Variants in ZSWIM5 observed in about 807,000 individuals in gnomAD.
The protein encoded by ZSWIM5 is zinc finger SWIM-type containing 5, also known as zinc finger SWIM domain-containing protein 5.
A neutral mutation model predicts 119.6 loss-of-function variants in ZSWIM5; 55 were observed. The ratio of observed to expected loss-of-function variants is 0.46; its 90% CI spans 0.37 to 0.58. The LOEUF is 0.58. ZSWIM5 is among the 20% of genes least tolerant of loss of function. ZSWIM5 has a pLI of 0.00. For synonymous variants in ZSWIM5, 537 were observed against 606.9 expected (o/e 0.88, Z 1.69); for missense variants, 1,193 against 1,512.8 (o/e 0.79, Z 3.51).
At chr1:45,182,810 C>G (rs971079949) in intron 1 of ZSWIM5, among the ~76,000 whole-genome samples, 1 of 152,164 alleles carries the variant, frequency 6.6e-6, no homozygotes, top group East Asian at 1.9e-4. Flanking sequence ...GAGACTTTAA[C>G]ACCCCACTGT....
rs1188514748 is a variant in ZSWIM5, at chr1:45,021,017, C to T, written c.2450-229G>A. Among the ~76,000 whole-genome samples the T allele has an allele frequency of 4.0e-5, 6 of 151,864 alleles. No individual in the cohort carries two copies. The East Asian group carries it at 9.7e-4, about 25-fold the overall frequency. ...TCTCCACCTTTTCATCTGTCTCTAC[C>T]TAATACCCTCTACCCTCAGGATCCT... On this transcript the variant is annotated intron_variant, in intron 11 of 13. Transcript: ENST00000359600.
chr1:45,154,515 G>A (rs1294391927), intron 1 of ZSWIM5, among the ~76,000 whole-genome samples: 1 of 152,142 alleles, frequency 6.6e-6, no homozygotes, highest in Non-Finnish European at 1.5e-5. Flanking sequence ...CTCAACAAAT[G>A]GTGCTGGGAT....
chr1:45,166,881 A>T (rs1303867887), intron 1 of ZSWIM5, among the ~76,000 whole-genome samples: 1 of 152,170 alleles, frequency 6.6e-6, no homozygotes, highest in Admixed American at 6.6e-5. Flanking sequence ...AATATTGTGA[A>T]AATGGCCATA....
intron 1 of ZSWIM5, among the ~76,000 whole-genome samples, chr1:45,203,299 C>A (rs528612223): frequency 6.6e-6 from 1 of 152,026 alleles, no homozygotes; most frequent in African/African-American, 2.4e-5. Flanking sequence ...CCTACTCTTT[C>A]CACAAGTTTT....
intron 10 of ZSWIM5, among the ~76,000 whole-genome samples, chr1:45,034,989 T>C (rs1291618394): frequency 1.3e-5 from 2 of 152,124 alleles, no homozygotes; most frequent in African/African-American, 2.4e-5. Context: ...GGTTTCACCA[T>C]GCTGCCCAGG....
chr1:45,137,642 A>AAT (rs1645697701), intron 1 of ZSWIM5, among the ~76,000 whole-genome samples: 2 of 152,322 alleles, frequency 1.3e-5, no homozygotes, highest in Non-Finnish European at 2.9e-5. Context: ...GGCAATAGAC[A>AAT]ATATAAAGAT....
At chr1:45,049,003 C>T (rs549151130) in intron 5 of ZSWIM5, among the ~76,000 whole-genome samples, 64 of 146,780 alleles carry the variant, frequency 4.4e-4, no homozygotes, top group African/African-American at 1.3e-3. Flanking sequence ...TGGTGGCTTG[C>T]GCCTGTAGTC....
At chr1:45,081,834 C>G (rs552351380) in intron 2 of ZSWIM5, among the ~76,000 whole-genome samples, 29 of 152,238 alleles carry the variant, frequency 1.9e-4, no homozygotes, top group Non-Finnish European at 3.2e-4. Context: ...GTGTACCCAA[C>G]AGCTCATTGA....
intron 6 of ZSWIM5, among the ~76,000 whole-genome samples, chr1:45,042,225 C>T (rs939529044): frequency 6.6e-6 from 1 of 152,134 alleles, no homozygotes; most frequent in Non-Finnish European, 1.5e-5. Context: ...TAAGTATTTA[C>T]ACTCCTATAA....
intron 1 of ZSWIM5, among the ~76,000 whole-genome samples, chr1:45,142,937 G>A (rs1054362939): frequency 7.9e-5 from 12 of 150,954 alleles, no homozygotes; most frequent in African/African-American, 2.4e-4. Flanking sequence ...TTGGGAGGCC[G>A]AGGTGAGCGG....
rs138238690 is a variant in ZSWIM5, at chr1:45,149,434, T to A, written c.595+56322A>T. On this transcript the variant is annotated intron_variant, in intron 1 of 13. Transcript: ENST00000359600. Reference sequence around the variant, plus strand: ...AATCTTTATGGAATGATTATGCTCATATAAGGCATACATAAACACTATACC... The same window carrying A: ...AATCTTTATGGAATGATTATGCTCAAATAAGGCATACATAAACACTATACC... 2.9e-3 allele frequency among the ~76,000 whole-genome samples: 441 copies of A among 152,342 alleles called. 1 individual carries two copies. The highest frequency in any genetic ancestry group is 9.4e-3 in the African/African-American group (393 of 41,588).
chr1:45,192,722 T>A (rs929566374), intron 1 of ZSWIM5, among the ~76,000 whole-genome samples: 13 of 152,212 alleles, frequency 8.5e-5, no homozygotes, highest in Non-Finnish European at 1.8e-4. Context: ...TTAATTTTTT[T>A]AGGAACTGCC....
At chr1:45,154,282 C>G (rs1352868036) in intron 1 of ZSWIM5, among the ~76,000 whole-genome samples, 4 of 152,056 alleles carry the variant, frequency 2.6e-5, no homozygotes, top group African/African-American at 9.7e-5. Context: ...AAAGAGCCCA[C>G]ATAGCCAAAG....
chr1:45,184,522 C>T (rs1012795118), intron 1 of ZSWIM5, among the ~76,000 whole-genome samples: 6 of 152,312 alleles, frequency 3.9e-5, no homozygotes, highest in African/African-American at 1.4e-4. Flanking sequence ...CCCAAAATCT[C>T]CTTAAGCTGA....
At chr1:45,154,692 G>C (rs1191289267) in intron 1 of ZSWIM5, among the ~76,000 whole-genome samples, 1 of 152,070 alleles carries the variant, frequency 6.6e-6, no homozygotes, top group Non-Finnish European at 1.5e-5. Context: ...GACCAGCCTG[G>C]CCAACAATGA....
chr1:45,049,481 G>A (rs1432221094), intron 5 of ZSWIM5, among the ~76,000 whole-genome samples: 2 of 152,080 alleles, frequency 1.3e-5, no homozygotes, highest in Non-Finnish European at 2.9e-5. Flanking sequence ...CTTCAAAGGA[G>A]AGCTAACAAC....
At chr1:45,025,467 T>C (rs1452607370) in intron 11 of ZSWIM5, among the ~76,000 whole-genome samples, 1 of 152,252 alleles carries the variant, frequency 6.6e-6, no homozygotes, top group South Asian at 2.1e-4. Context: ...TTTCTATTTA[T>C]TTAAATCATC....
intron 1 of ZSWIM5, among the ~76,000 whole-genome samples, chr1:45,150,544 G>A (rs1225929256): frequency 6.6e-6 from 1 of 152,116 alleles, no homozygotes; most frequent in Non-Finnish European, 1.5e-5. Flanking sequence ...CATTTACTAC[G>A]ATTTCTGCTC....
intron 11 of ZSWIM5, among the ~76,000 whole-genome samples, chr1:45,029,025 AAAGT>A (rs1644936832): frequency 6.6e-6 from 1 of 152,236 alleles, no homozygotes; most frequent in East Asian, 1.9e-4. Flanking sequence ...GAACCATTTG[AAAGT>A]AAGTGACTTG....
Sources: gnomAD v4.1 joint callset for allele counts (sites outside exome capture counted in the v4.1 genomes callset) on GRCh38, gnomAD v4.1.1 for gene constraint, MANE v1.5 for transcripts, NCBI Gene and HGNC (gene_info 2026-07-23, HGNC 2026-07-21) for gene names.